ZSWIM6: variants seen among roughly 807,000 people sequenced by gnomAD.
ZSWIM6 encodes the protein zinc finger SWIM domain-containing protein 6.
A neutral mutation model predicts 113.2 loss-of-function variants in ZSWIM6; 9 were observed. That is an observed-to-expected ratio of 0.08 (90% CI 0.05 to 0.14). The LOEUF (loss-of-function observed/expected upper bound fraction) is 0.14, where lower values mean the gene tolerates loss of function less well. Among genes scored for constraint, ZSWIM6 ranks in the 10% least tolerant of loss-of-function variants. ZSWIM6 has a pLI of 1.00. For missense variants in ZSWIM6, 1,162 were observed against 1,552.2 expected, an observed-to-expected ratio of 0.75 and a Z score of 4.22; for synonymous variants, 611 against 606.5, an observed-to-expected ratio of 1.01 and a Z score of -0.11.
At chr5:61,344,171 A>G (rs1579942241) in intron 1 of ZSWIM6, among the ~76,000 whole-genome samples, 1 of 152,188 alleles carries the variant, frequency 6.6e-6, no homozygotes, top group Non-Finnish European at 1.5e-5. Flanking sequence ...TTGGGATTAC[A>G]GGTGTGAGCC....
rs1228280424 is a variant in ZSWIM6, at chr5:61,526,011, T to C, written c.1690+35T>C. 4 of 1,549,292 alleles carry C rather than the reference T, an allele frequency of 2.6e-6. No individual in the cohort carries two copies. The Admixed American group carries it at 7.9e-5, about 30-fold the overall frequency. ...CAAACCGGAAAGACATTTCCATGAC[T>C]TACTTCTTTGTTTAGTTTCTATAGC... On this transcript the variant is annotated intron_variant, in intron 6 of 13. Coordinates refer to ENST00000252744, the MANE Select transcript of ZSWIM6 (RefSeq NM_020928.2).
intron 1 of ZSWIM6, among the ~76,000 whole-genome samples, chr5:61,374,930 A>G (rs1243124137): frequency 6.6e-6 from 1 of 152,208 alleles, no homozygotes; most frequent in African/African-American, 2.4e-5. Flanking sequence ...AAATGCCAAC[A>G]GGAATTTTTT....
At chr5:61,434,194 AATAT>A (rs1283165552) in intron 1 of ZSWIM6, among the ~76,000 whole-genome samples, 2 of 147,660 alleles carry the variant, frequency 1.4e-5, no homozygotes, top group Non-Finnish European at 3.0e-5. Context: ...AACATATATA[AATAT>A]ATGTATAATA....
At position 61,332,345 on chromosome 5, in the gene ZSWIM6, G is replaced by GGC. The variant is rs1744267343; in HGVS notation, c.74_75insCG (p.Ser27AlafsTer84). 2.9e-6 allele frequency: 3 copies of GGC among 1,043,582 alleles called. No individual in the cohort carries two copies. The highest frequency in any genetic ancestry group is 4.4e-5 in the South Asian group (1 of 22,586). 64.6% of individuals were successfully genotyped at this position (1,043,582 alleles called of 1,614,324 possible). On this transcript the variant is annotated frameshift_variant, in exon 1 of 14. Transcript: ENST00000252744. LOFTEE classifies it high-confidence loss of function. ...CCGGCCGGGCGGCGGCGGCGGCGGC[G>GGC]GGGGCAGCAGCGGCGGCGGCGGCGG...
At chr5:61,425,827 C>T (rs1024579006) in intron 1 of ZSWIM6, among the ~76,000 whole-genome samples, 3 of 152,238 alleles carry the variant, frequency 2.0e-5, no homozygotes, top group Admixed American at 6.5e-5. Context: ...AGTATATGGG[C>T]CTGGTGGCAG....
chr5:61,423,728 A>G (rs1026237250), intron 1 of ZSWIM6, among the ~76,000 whole-genome samples: 1 of 152,224 alleles, frequency 6.6e-6, no homozygotes, highest in Non-Finnish European at 1.5e-5. Context: ...CAAATTGTAC[A>G]AGCCAGTGAG....
chr5:61,398,912 GTTTTTTTTTTTTTTTTTT>G (rs57439648), intron 1 of ZSWIM6, among the ~76,000 whole-genome samples: 1 of 61,736 alleles, frequency 1.6e-5, no homozygotes, highest in Non-Finnish European at 3.0e-5. Context: ...GTGTATAGTT[GTTTTTTTTTTTTTTTTTT>G]TTTTTTTTTT....
intron 1 of ZSWIM6, among the ~76,000 whole-genome samples, chr5:61,353,061 T>C (rs185596070): frequency 6.6e-6 from 1 of 152,086 alleles, no homozygotes; most frequent in African/African-American, 2.4e-5. Flanking sequence ...ATGCTTGAGC[T>C]TTTTTTCAGT....
At chr5:61,390,242 G>C (rs1745677240) in intron 1 of ZSWIM6, among the ~76,000 whole-genome samples, 1 of 152,022 alleles carries the variant, frequency 6.6e-6, no homozygotes, top group South Asian at 2.1e-4. Flanking sequence ...ATTTTTTTCT[G>C]TGCTATTTAT....
chr5:61,540,932 TTTTTTG>T (rs1181920997), intron 12 of ZSWIM6, among the ~76,000 whole-genome samples: 31 of 108,392 alleles, frequency 2.9e-4, no homozygotes, highest in African/African-American at 1.0e-3. Context: ...TTTTTTTTTT[TTTTTTG>T]TTGTTGTTGT....
intron 10 of ZSWIM6, 98 bp from the exon 11 acceptor site, chr5:61,538,716 C>A: frequency 1.5e-6 from 2 of 1,353,692 alleles, no homozygotes; most frequent in Non-Finnish European, 2.0e-6. Flanking sequence ...GAGGCCTGAA[C>A]ATCTACCCAC....
intron 1 of ZSWIM6, among the ~76,000 whole-genome samples, chr5:61,402,278 G>A (rs1053113936): frequency 1.3e-5 from 2 of 152,046 alleles, no homozygotes; most frequent in Non-Finnish European, 2.9e-5. Context: ...TACATTTAGG[G>A]GAAGGAATGA....
At position 61,491,970 on chromosome 5, in the gene ZSWIM6, A is replaced by G. The variant is rs144031209; in HGVS notation, c.1182+1036A>G. On this transcript the variant is annotated intron_variant, in intron 3 of 13. Transcript: ENST00000252744. ...CCAGAATTAGATTACAATAAAATAC[A>G]TTTAACTCTAATACTACTTTACACA... Among the ~76,000 whole-genome samples the G allele has an allele frequency of 4.0e-3, 607 of 152,174 alleles. 4 individuals carry two copies. Among genetic ancestry groups the G allele is most frequent in the South Asian group, 0.021 (100 of 4,828 alleles).
intron 4 of ZSWIM6, among the ~76,000 whole-genome samples, chr5:61,504,874 C>T (rs1748558963): frequency 6.6e-6 from 1 of 152,118 alleles, no homozygotes; most frequent in Admixed American, 6.5e-5. Context: ...GTAGGCTCTG[C>T]TACTGTGGAG....
At position 61,332,348 on chromosome 5, in the gene ZSWIM6, G is replaced by GGTA; in HGVS notation, c.77_78insTAG (p.Ser28dup). ...GCCGGGCGGCGGCGGCGGCGGCGGG[G>GGTA]GCAGCAGCGGCGGCGGCGGCGGCGC... On this transcript the variant is annotated inframe_insertion, in exon 1 of 14. Transcript: ENST00000252744. 5.8e-6 allele frequency: 6 copies of GGTA among 1,027,500 alleles called. No individual in the cohort carries two copies. Among genetic ancestry groups the GGTA allele is most frequent in the Non-Finnish European group, 7.1e-6 (6 of 843,498 alleles). The allele number at this position is 1,027,500 out of a possible 1,614,324, so 63.6% of individuals were successfully genotyped here.
chr5:61,496,789 A>T (rs975082223), intron 4 of ZSWIM6, among the ~76,000 whole-genome samples: 27 of 152,188 alleles, frequency 1.8e-4, no homozygotes, highest in African/African-American at 6.0e-4. Flanking sequence ...CATTTAAACT[A>T]AAAGCCCCAT....
At chr5:61,529,758 A>C (rs528552184) in intron 7 of ZSWIM6, among the ~76,000 whole-genome samples, 2 of 152,200 alleles carry the variant, frequency 1.3e-5, no homozygotes, top group African/African-American at 4.8e-5. Context: ...TGTAAGTAGT[A>C]ATGTTGACTC....
At chr5:61,396,628 T>C (rs1745843079) in intron 1 of ZSWIM6, among the ~76,000 whole-genome samples, 1 of 151,878 alleles carries the variant, frequency 6.6e-6, no homozygotes, top group African/African-American at 2.4e-5. Context: ...AAGATGGCAG[T>C]GTTGGTGGCA....
At position 61,478,688 on chromosome 5, in the gene ZSWIM6, A is replaced by AGT. The variant is rs567824133; in HGVS notation, c.1033+5666_1033+5667dup. ...GTTGCTGTGACCATCTTTATGTGTGAGTGTGTGTGTGTGTGTTTGTGTGTG... is the reference window on the plus strand; with the variant it reads ...GTTGCTGTGACCATCTTTATGTGTGAGTGTGTGTGTGTGTGTGTTTGTGTGTG... On this transcript the variant is annotated intron_variant, in intron 2 of 13. Transcript: ENST00000252744. 6.1e-4 allele frequency among the ~76,000 whole-genome samples: 87 copies of AGT among 143,112 alleles called. 1 individual carries two copies. The highest frequency in any genetic ancestry group is 2.2e-3 in the Admixed American group (31 of 14,296). The allele number at this position is 143,112 out of a possible 152,430, so 93.9% of individuals were successfully genotyped here.
Sources: gnomAD v4.1 joint callset for allele counts (sites outside exome capture counted in the v4.1 genomes callset) on GRCh38, gnomAD v4.1.1 for gene constraint, MANE v1.5 for transcripts, NCBI Gene and HGNC (gene_info 2026-07-23, HGNC 2026-07-21) for gene names.